The following CTBP2 variants were observed in gnomAD, a reference collection of about 807,000 sequenced individuals.
The protein encoded by CTBP2 is C-terminal-binding protein 2.
Under a neutral mutation model 80.3 loss-of-function variants are expected in CTBP2, and 30 were observed. That is an observed-to-expected ratio of 0.37 (90% confidence interval 0.28 to 0.51). The LOEUF is 0.51. CTBP2 is among the 20% of genes least tolerant of loss of function. The pLI is 0.93. For synonymous variants in CTBP2, 594 were observed against 587.4 expected (o/e 1.01, Z -0.16); for missense variants, 1,212 against 1,375.3 (o/e 0.88, Z 1.88).
At chr10:125,082,673 C>T (rs756234835) in intron 2 of CTBP2, among the ~76,000 whole-genome samples, 114 of 151,700 alleles carry the variant, frequency 7.5e-4, no homozygotes, top group Admixed American at 2.6e-3. Flanking sequence ...CTGCAACCTC[C>T]GCCTCGTGGG....
intron 2 of CTBP2, chr10:125,100,643 A>C (rs1850470712): frequency 6.6e-6 from 1 of 152,250 alleles, no homozygotes; most frequent in Non-Finnish European, 1.5e-5. Context: ...ATCCTTTTAC[A>C]GGAAGGAAGG....
chr10:124,986,578 C>T lies in CTBP2; in HGVS notation c.*2940G>A, dbSNP rs570244083. 3.9e-5 allele frequency: 6 copies of T among 152,148 alleles called. No homozygotes were observed. The highest frequency in any genetic ancestry group is 2.1e-4 in the South Asian group (1 of 4,818). 9.4% of individuals were successfully genotyped at this position (152,148 alleles called of 1,614,324 possible). A position where few individuals can be genotyped will look rare whatever the true frequency, so the allele number is the denominator to read the frequency against. ...TTGCAGGAAAAATGATTTTTTAGTA[C>T]GATTCTGTAGAAATGAATCTTTGAT... On this transcript the variant is annotated 3_prime_UTR_variant, in exon 9 of 9. Coordinates refer to ENST00000309035, the MANE Select transcript of CTBP2 (RefSeq NM_022802.3).
rs769483829 is a variant in CTBP2, at chr10:125,027,714, A to T, written c.46T>A (p.Trp16Arg). ...CCCTCGTACCACCCAGCAGCATCCC[A>T]GCTCTGAGAACGACCAATATTTATA... The change falls in exon 1 of 9, where the codon TGG becomes AGG. Residue 16 changes from tryptophan to arginine, a missense_variant. This residue lies in a region of CTBP2 where 848 missense variants were observed against 782.3 expected (regional missense o/e 1.08). Transcript: ENST00000309035. The T allele has an allele frequency of 1.2e-6, 2 of 1,611,602 alleles. No individual in the cohort carries two copies. The highest frequency in any genetic ancestry group is 2.2e-5 in the South Asian group (2 of 90,984).
chr10:125,082,060 A>G (rs1590633925), intron 2 of CTBP2, among the ~76,000 whole-genome samples: 2 of 152,204 alleles, frequency 1.3e-5, no homozygotes, highest in South Asian at 4.1e-4. Context: ...CAGTCCAGAA[A>G]CCAGCCAGAA....
At chr10:125,009,997 G>C (rs1177221581) in intron 1 of CTBP2, among the ~76,000 whole-genome samples, 4 of 152,154 alleles carry the variant, frequency 2.6e-5, no homozygotes, top group South Asian at 2.1e-4. Context: ...TGGAAAGTGA[G>C]CAAGCCACGG....
Position 124,988,612 on chromosome 10 carries a change from T to G in CTBP2, c.*906A>C, listed in dbSNP as rs1952172638. ...ACTAGTTGATACAAATCTAATAGGA[T>G]TTGTTAAAATCAGTCACATCTAATA... is the stretch of plus-strand genomic sequence containing the variant. On this transcript the variant is annotated 3_prime_UTR_variant, in exon 9 of 9. Transcript: ENST00000309035. The G allele has an allele frequency of 6.6e-6, 1 of 152,662 alleles. No individual in the cohort carries two copies. Among genetic ancestry groups the G allele is most frequent in the South Asian group, 2.1e-4 (1 of 4,834 alleles). The allele number at this position is 152,662 out of a possible 1,614,324, so 9.5% of individuals were successfully genotyped here.
rs562444610 is a variant in CTBP2 at position 125,156,275 on chromosome 10, T to C, written c.-206+4044A>G. ...GGACACTAGGGCTGCTGCTTTTCCC[T>C]GATAGATTAACAGAGGGACCCAGGC... On this transcript the variant is annotated intron_variant, in intron 1 of 10. Coordinates refer to the CTBP2 transcript ENST00000337195. 1.1e-4 allele frequency among the ~76,000 whole-genome samples: 17 copies of C among 152,324 alleles called. No homozygotes were observed. The South Asian group carries it at 3.1e-3, about 28-fold the overall frequency.
At chr10:125,094,862 AT>A (rs60252831) in intron 2 of CTBP2, among the ~76,000 whole-genome samples, 35,748 of 146,996 alleles carry the variant, frequency 0.24, 6,220 homozygotes, top group African/African-American at 0.49. Flanking sequence ...ATTACCGGCA[AT>A]TTTTTTTTTT....
At chr10:124,992,872 T>C in intron 7 of CTBP2, 60 bp from the exon 10 acceptor site, 1 of 1,285,244 alleles carries the variant, frequency 7.8e-7, no homozygotes, top group East Asian at 2.4e-5. Context: ...AAGTTCAACA[T>C]TACACCTGTA....
At chr10:125,054,781 A>G (rs1354993212) in intron 2 of CTBP2, among the ~76,000 whole-genome samples, 1 of 152,196 alleles carries the variant, frequency 6.6e-6, no homozygotes, top group Non-Finnish European at 1.5e-5. Flanking sequence ...CAGGACAGAG[A>G]ACACTAACAA....
In CTBP2 at chr10:125,026,108, A is replaced by T. The variant is rs1232536934; in HGVS notation, c.1652T>A (p.Val551Glu). 5 of 1,578,418 alleles carry T rather than the reference A, an allele frequency of 3.2e-6. No homozygotes were observed. The highest frequency in any genetic ancestry group is 2.7e-5 in the African/African-American group (2 of 74,350). ...TGGTTCTGGTGCAAGCATGGTGGAC[A>T]CGATGATGGGTGCCCCTGTGCGCCG... The change falls in exon 1 of 9, where the codon GTG becomes GAG. Residue 551 changes from valine (V) to glutamate (E), a missense_variant. Around this residue, in one of 3 missense-constraint regions of CTBP2, gnomAD observed 848 missense variants for 782.3 expected, o/e 1.08. Transcript: ENST00000309035.
chr10:125,117,699 A>T (rs536257057), intron 1 of CTBP2, among the ~76,000 whole-genome samples: 6 of 152,260 alleles, frequency 3.9e-5, no homozygotes, highest in Non-Finnish European at 8.8e-5. Context: ...GCATTGCTGG[A>T]TTATTCCTTC....
At chr10:125,136,443 C>T (rs147438172) in intron 1 of CTBP2, among the ~76,000 whole-genome samples, 3,218 of 152,304 alleles carry the variant, frequency 0.021, 48 homozygotes, top group Middle Eastern at 0.041. Context: ...GGCCACCACT[C>T]CAGAAAAGCA....
chr10:125,152,659 T>C (rs192762197), intron 1 of CTBP2, among the ~76,000 whole-genome samples: 501 of 152,334 alleles, frequency 3.3e-3, no homozygotes, highest in Non-Finnish European at 5.5e-3. Context: ...TATGTGCATA[T>C]TGGTATCTGT....
chr10:125,155,834 C>T (rs570720820), intron 1 of CTBP2, among the ~76,000 whole-genome samples: 1 of 152,038 alleles, frequency 6.6e-6, no homozygotes, highest in Non-Finnish European at 1.5e-5. Flanking sequence ...CTTGCAGCAG[C>T]GTAAATTAAG....
chr10:125,131,573 G>A (rs867479917), intron 1 of CTBP2, among the ~76,000 whole-genome samples: 33 of 152,254 alleles, frequency 2.2e-4, no homozygotes, highest in Middle Eastern at 6.8e-3. Context: ...AGGGGGCAGC[G>A]GCGGGTTGGA....
intron 8 of CTBP2, among the ~76,000 whole-genome samples, chr10:124,991,463 T>C (rs1952604413): frequency 6.6e-6 from 1 of 152,198 alleles, no homozygotes; most frequent in African/African-American, 2.4e-5. Context: ...CTCAAAATAC[T>C]TTTGAGGGCC....
At chr10:125,154,538 T>C (rs1306402336) in intron 1 of CTBP2, among the ~76,000 whole-genome samples, 2 of 152,240 alleles carry the variant, frequency 1.3e-5, no homozygotes, top group African/African-American at 2.4e-5. Flanking sequence ...CAACCATCTG[T>C]TAAATTTAGT....
intron 2 of CTBP2, among the ~76,000 whole-genome samples, chr10:125,098,001 G>A (rs1248957152): frequency 1.3e-5 from 2 of 152,204 alleles, no homozygotes; most frequent in East Asian, 3.9e-4. Flanking sequence ...GGCGCCTGTA[G>A]TCCCAGCTAC....
Sources: allele counts gnomAD v4.1 joint callset (sites outside exome capture counted in the v4.1 genomes callset), GRCh38; gene constraint gnomAD v4.1.1; regional missense constraint gnomAD v4.1.1; transcripts MANE v1.5; gene names NCBI Gene and HGNC (gene_info 2026-07-23, HGNC 2026-07-21).